SYNPO2: variants seen among roughly 807,000 people sequenced by gnomAD.
SYNPO2 encodes synaptopodin-2.
SYNPO2 carries 56 observed loss-of-function variants against 85.0 expected under a neutral mutation model. The ratio of observed to expected loss-of-function variants is 0.66; its 90% CI spans 0.53 to 0.82. The LOEUF (loss-of-function observed/expected upper bound fraction) is 0.82. SYNPO2 is among the 40% of genes least tolerant of loss of function. SYNPO2 has a pLI of 0.00. For missense variants in SYNPO2, 1,575 were observed against 1,534.2 expected (o/e 1.03, Z -0.44); for synonymous variants, 602 against 591.1 (o/e 1.02, Z -0.27).
chr4:118,939,879 C>T (rs1734240683), intron 1 of SYNPO2, among the ~76,000 whole-genome samples: 1 of 151,994 alleles, frequency 6.6e-6, no homozygotes, highest in South Asian at 2.1e-4. Flanking sequence ...ACTTTTTGAA[C>T]TGTGTTTTGT....
chr4:118,957,657 T>C (rs1233111915), intron 1 of SYNPO2, among the ~76,000 whole-genome samples: 1 of 152,216 alleles, frequency 6.6e-6, no homozygotes, highest in Non-Finnish European at 1.5e-5. Flanking sequence ...GGGCCTTAAA[T>C]AGTGTCACAA....
chr4:118,920,897 C>CTT (rs1327297096), intron 1 of SYNPO2, among the ~76,000 whole-genome samples: 1 of 145,660 alleles, frequency 6.9e-6, no homozygotes, highest in Admixed American at 6.9e-5. Context: ...TTCTTTTTTC[C>CTT]TTTTTTTTTT....
chr4:118,902,528 C>T (rs764265028), intron 1 of SYNPO2, among the ~76,000 whole-genome samples: 4 of 152,010 alleles, frequency 2.6e-5, no homozygotes, highest in Non-Finnish European at 4.4e-5. Flanking sequence ...TGAGGGAAAC[C>T]GCCCCCATGA....
At chr4:119,040,949 A>T (rs1309021946) in intron 4 of SYNPO2, among the ~76,000 whole-genome samples, 1 of 152,224 alleles carries the variant, frequency 6.6e-6, no homozygotes, top group Non-Finnish European at 1.5e-5. Context: ...ACTTTCCAAA[A>T]ACAGAAAGAG....
intron 1 of SYNPO2, among the ~76,000 whole-genome samples, chr4:118,901,008 A>G (rs1321921562): frequency 6.6e-6 from 1 of 151,932 alleles, no homozygotes; most frequent in African/African-American, 2.4e-5. Flanking sequence ...CCAGCAACAT[A>G]TATTTTTTTA....
intron 1 of SYNPO2, among the ~76,000 whole-genome samples, chr4:118,972,326 C>A (rs1283611005): frequency 1.3e-5 from 2 of 151,890 alleles, no homozygotes; most frequent in Non-Finnish European, 2.9e-5. Flanking sequence ...TGCCTGTAGT[C>A]CCAGCTACTT....
At chr4:119,045,780 C>T (rs1341228020) in intron 4 of SYNPO2, among the ~76,000 whole-genome samples, 1 of 152,054 alleles carries the variant, frequency 6.6e-6, no homozygotes, top group South Asian at 2.1e-4. Context: ...AAAATTAAAA[C>T]AGCAATCCCA....
chr4:118,956,989 G>C (rs773262979), intron 1 of SYNPO2, among the ~76,000 whole-genome samples: 2 of 151,804 alleles, frequency 1.3e-5, no homozygotes, highest in Non-Finnish European at 2.9e-5. Context: ...AGGTTGCAGT[G>C]AGCTGAGATT....
At chr4:119,049,425 T>C (rs2149199706) in intron 4 of SYNPO2, among the ~76,000 whole-genome samples, 1 of 152,232 alleles carries the variant, frequency 6.6e-6, no homozygotes, top group Non-Finnish European at 1.5e-5. Flanking sequence ...AAATCATATT[T>C]ATCAGTTGAC....
At chr4:119,049,846 TGCA>T (rs1738979363) in intron 4 of SYNPO2, among the ~76,000 whole-genome samples, 1 of 152,232 alleles carries the variant, frequency 6.6e-6, no homozygotes, top group Non-Finnish European at 1.5e-5. Context: ...CTCATCTTCA[TGCA>T]GCAGAAGTGC....
chr4:119,027,600 T>C (rs568754518), intron 3 of SYNPO2, among the ~76,000 whole-genome samples, 162 bp downstream of exon 3: 105 of 152,316 alleles, frequency 6.9e-4, no homozygotes, highest in Non-Finnish European at 1.3e-3. Flanking sequence ...TTGTGGAGAA[T>C]ACCAATTTCT....
chr4:118,885,325 T>G (rs375618094), upstream of SYNPO2, among the ~76,000 whole-genome samples: 8 of 151,796 alleles, frequency 5.3e-5, no homozygotes, highest in Non-Finnish European at 1.2e-4. Flanking sequence ...GAGTAAAAAA[T>G]GAATTGAGGG....
chr4:118,977,975 C>T (rs1465602610), intron 1 of SYNPO2, among the ~76,000 whole-genome samples: 4 of 152,120 alleles, frequency 2.6e-5, no homozygotes, highest in Admixed American at 2.6e-4. Context: ...AATAGGACCT[C>T]ATATATAGTC....
At chr4:119,012,943 A>G (rs918720588) in intron 1 of SYNPO2, among the ~76,000 whole-genome samples, 6 of 151,966 alleles carry the variant, frequency 3.9e-5, no homozygotes, top group Admixed American at 3.3e-4. Flanking sequence ...CTTCAGTGGA[A>G]CTTCCTCCTG....
intron 1 of SYNPO2, among the ~76,000 whole-genome samples, chr4:118,877,926 C>T (rs1030247269): frequency 6.6e-6 from 1 of 152,158 alleles, no homozygotes; most frequent in Non-Finnish European, 1.5e-5. Context: ...CGTTGCAGCA[C>T]TATTCACGAT....
intron 1 of SYNPO2, among the ~76,000 whole-genome samples, chr4:118,917,072 G>A (rs77495469): frequency 0.015 from 2,358 of 152,134 alleles, 30 homozygotes; most frequent in Non-Finnish European, 0.021. Context: ...TAATCATCTT[G>A]GAGATGTAAA....
intron 1 of SYNPO2, among the ~76,000 whole-genome samples, chr4:118,921,416 T>G (rs1024534956): frequency 6.6e-6 from 1 of 152,132 alleles, no homozygotes; most frequent in Non-Finnish European, 1.5e-5. Flanking sequence ...GGCTGACGTA[T>G]CTAGAACATC....
In SYNPO2 at chr4:118,990,640, G is replaced by A. The variant is rs138455211; in HGVS notation, c.106-32790G>A. ...TTGTTTGTTTTTGAGACAGAATCTC[G>A]CTCGGTCGCCCAGGCAGGAGTGCAG... is the stretch of plus-strand genomic sequence containing the variant. On this transcript the variant is annotated intron_variant, in intron 1 of 4. Coordinates refer to ENST00000307142, the MANE Select transcript of SYNPO2 (RefSeq NM_133477.3). 2.6e-5 allele frequency among the ~76,000 whole-genome samples: 4 copies of A among 151,602 alleles called. No homozygotes were observed. In the East Asian group the frequency reaches 7.7e-4, roughly 29 times the overall value.
intron 1 of SYNPO2, among the ~76,000 whole-genome samples, chr4:118,976,703 T>A (rs1735760458): frequency 6.6e-6 from 1 of 152,166 alleles, no homozygotes; most frequent in Non-Finnish European, 1.5e-5. Context: ...ATACAGAGTG[T>A]CGATTGGTGC....
Sources: allele counts gnomAD v4.1 joint callset (sites outside exome capture counted in the v4.1 genomes callset), GRCh38; gene constraint gnomAD v4.1.1; transcripts MANE v1.5; gene names NCBI Gene and HGNC (gene_info 2026-07-23, HGNC 2026-07-21).